Variants in RPS6KA2 observed in about 807,000 individuals in gnomAD.
RPS6KA2 encodes the protein ribosomal protein S6 kinase alpha-2.
RPS6KA2 carries 42 observed loss-of-function variants against 91.8 expected under a neutral mutation model. The observed-to-expected ratio is 0.46, with a 90% CI of 0.36 to 0.59. The LOEUF (loss-of-function observed/expected upper bound fraction) is 0.59. Ranked by LOEUF, RPS6KA2 falls within the 20% of genes least tolerant of loss-of-function variation. The probability of loss-of-function intolerance (pLI) is 0.00; values close to 1 mark genes in which losing one functional copy is unlikely to be tolerated. For synonymous variants in RPS6KA2, 414 were observed against 393.6 expected (o/e 1.05, Z -0.61); for missense variants, 798 against 978.5 (o/e 0.82, Z 2.46).
intron 17 of RPS6KA2, 112 bp from the exon 18 acceptor site, chr6:166,420,070 G>T: frequency 2.0e-6 from 2 of 980,350 alleles, no homozygotes. Context: ...GGAGGAGGGC[G>T]GTGCCATGTC....
intron 1 of RPS6KA2, among the ~76,000 whole-genome samples, chr6:166,568,468 T>A (rs1338546879): frequency 6.6e-6 from 1 of 151,548 alleles, no homozygotes; most frequent in Non-Finnish European, 1.5e-5. Flanking sequence ...ACAAAAAAAA[T>A]TAGCCGGTCG....
intron 2 of RPS6KA2, among the ~76,000 whole-genome samples, chr6:166,709,179 G>A (rs79949533): frequency 0.016 from 2,398 of 152,196 alleles, 64 homozygotes; most frequent in African/African-American, 0.055. Context: ...TTCCCTCACC[G>A]GTTGTCATAA....
At chr6:166,507,513 C>A (rs961065522) in intron 5 of RPS6KA2, among the ~76,000 whole-genome samples, 1 of 151,240 alleles carries the variant, frequency 6.6e-6, no homozygotes, top group Non-Finnish European at 1.5e-5. Context: ...CCACACCACA[C>A]AAAGCACATA....
At chr6:166,499,370 CCT>C (rs1443016687) in intron 7 of RPS6KA2, among the ~76,000 whole-genome samples, 1 of 152,178 alleles carries the variant, frequency 6.6e-6, no homozygotes, top group African/African-American at 2.4e-5. Flanking sequence ...TGTCCTTGCC[CCT>C]GAGCCTGGGA....
intron 2 of RPS6KA2, among the ~76,000 whole-genome samples, chr6:166,761,603 C>T (rs1266381065): frequency 2.6e-5 from 4 of 152,334 alleles, no homozygotes; most frequent in African/African-American, 4.8e-5. Context: ...GCATCTGTTT[C>T]GTGTTTCCAT....
intron 2 of RPS6KA2, among the ~76,000 whole-genome samples, chr6:166,789,448 C>A (rs952683601): frequency 6.6e-6 from 1 of 152,226 alleles, no homozygotes; most frequent in Non-Finnish European, 1.5e-5. Context: ...AGGGCACAGA[C>A]AAACAAAAAG....
intron 11 of RPS6KA2, among the ~76,000 whole-genome samples, 192 bp downstream of exon 11, chr6:166,469,649 G>A (rs575859751): frequency 1.6e-4 from 25 of 152,294 alleles, no homozygotes; most frequent in African/African-American, 6.0e-4. Context: ...GCACTCACGT[G>A]TCTGTGCCTC....
chr6:166,491,394 C>T (rs1229655953), intron 8 of RPS6KA2, among the ~76,000 whole-genome samples: 3 of 152,188 alleles, frequency 2.0e-5, no homozygotes, highest in South Asian at 2.1e-4. Flanking sequence ...CCAACTCCCC[C>T]GGGCACATGC....
intron 2 of RPS6KA2, among the ~76,000 whole-genome samples, chr6:166,741,304 G>C (rs1452359814): frequency 6.6e-6 from 1 of 152,190 alleles, no homozygotes; most frequent in African/African-American, 2.4e-5. Flanking sequence ...GGGGTGGTGG[G>C]TGCCACTGAG....
chr6:166,484,726 T>C (rs1275546430), intron 10 of RPS6KA2, among the ~76,000 whole-genome samples: 1 of 152,212 alleles, frequency 6.6e-6, no homozygotes, highest in Non-Finnish European at 1.5e-5. Flanking sequence ...TGCCAGTGTC[T>C]ACAACTCATC....
intron 2 of RPS6KA2, among the ~76,000 whole-genome samples, chr6:166,744,450 T>TC (rs1790920316): frequency 6.6e-6 from 1 of 152,104 alleles, no homozygotes; most frequent in Admixed American, 6.5e-5. Flanking sequence ...GTAGGCTGGG[T>TC]CCCGGGGGCC....
chr6:166,845,089 A>G (rs1480957789), intron 2 of RPS6KA2, among the ~76,000 whole-genome samples: 3 of 152,222 alleles, frequency 2.0e-5, no homozygotes, highest in Non-Finnish European at 2.9e-5. Context: ...AACAGACTTT[A>G]AAGCAACAGC....
intron 1 of RPS6KA2, among the ~76,000 whole-genome samples, chr6:166,553,231 A>C (rs1784071774): frequency 6.6e-6 from 1 of 152,136 alleles, no homozygotes; most frequent in Non-Finnish European, 1.5e-5. Context: ...GAGATCCCCC[A>C]CCACAGCCTC....
intron 19 of RPS6KA2, among the ~76,000 whole-genome samples, chr6:166,416,150 T>C (rs1263693622): frequency 1.4e-5 from 2 of 147,016 alleles, no homozygotes; most frequent in East Asian, 4.2e-4. Context: ...ACCCTCACCA[T>C]CATCTTCACC....
intron 2 of RPS6KA2, among the ~76,000 whole-genome samples, chr6:166,672,369 A>G (rs2128561428): frequency 6.6e-6 from 1 of 152,328 alleles, no homozygotes; most frequent in Middle Eastern, 3.4e-3. Context: ...TTCACAGCAG[A>G]TAACAAGCAT....
Position 166,448,640 on chromosome 6 carries a change from T to A in RPS6KA2, c.1332+84A>T. The A allele has an allele frequency of 6.8e-7, 1 of 1,476,854 alleles. No homozygotes were observed. Among genetic ancestry groups the A allele is most frequent in the Non-Finnish European group, 9.1e-7 (1 of 1,094,886 alleles). The allele number at this position is 1,476,854 out of a possible 1,614,324, so 91.5% of individuals were successfully genotyped here. ...CTCACACAGGGCCCTGCTATGCTCC[T>A]ATGCTCCGTGCTCCCACATACCACA... On this transcript the variant is annotated intron_variant, in intron 14 of 20. Coordinates refer to ENST00000265678, the MANE Select transcript of RPS6KA2 (RefSeq NM_021135.6). This position sits in a 1 kb window ranked among gnomAD's most constrained non-coding sequence, Gnocchi z 4.7.
chr6:166,545,433 T>G (rs1348221843), intron 1 of RPS6KA2, among the ~76,000 whole-genome samples: 1 of 152,172 alleles, frequency 6.6e-6, no homozygotes, highest in Non-Finnish European at 1.5e-5. Flanking sequence ...AAGTCTCCGT[T>G]AAGCTACTCA....
chr6:166,494,249 C>T lies in RPS6KA2; in HGVS notation c.748-3508G>A, dbSNP rs1197867615. 2.6e-5 allele frequency among the ~76,000 whole-genome samples: 4 copies of T among 152,126 alleles called. No individual in the cohort carries two copies. Among genetic ancestry groups the T allele is most frequent in the African/African-American group, 9.7e-5 (4 of 41,408 alleles). On this transcript the variant is annotated intron_variant, in intron 8 of 20. Transcript: ENST00000265678. The surrounding 1 kb of genome is among the most constrained non-coding windows in gnomAD (Gnocchi z 5.1). Reference sequence around the variant, plus strand: ...GTGCACAGACACATGCCCTCTAATCCGAGCTGCTCTCGCTCCGTGTGCTGC... The same window carrying T: ...GTGCACAGACACATGCCCTCTAATCTGAGCTGCTCTCGCTCCGTGTGCTGC...
In RPS6KA2 at chr6:166,413,929, G is replaced by C. The variant is rs781643229; in HGVS notation, c.1941C>G (p.Asp647Glu). ...CCACGTGGAGCATCTTGGACACGAC[G>C]TCCTGCCAGGGAAGGTCATGAGAGT... ...NWDSISDAAK[D>E]VVSKMLHVDP... Residue 647 changes from aspartate (D) to glutamate (E), a missense_variant and splice_region_variant, in exon 20 of 21, where the codon GAC (aspartate) becomes GAG (glutamate). Asp to Glu is a conservative substitution (Grantham distance 45). Coordinates refer to ENST00000265678, the MANE Select transcript of RPS6KA2 (RefSeq NM_021135.6). The C allele has an allele frequency of 1.9e-6, 3 of 1,613,620 alleles. No homozygotes were observed. The highest frequency in any genetic ancestry group is 1.7e-6 in the Non-Finnish European group (2 of 1,179,896).
Sources: gnomAD v4.1 joint callset for allele counts (sites outside exome capture counted in the v4.1 genomes callset) on GRCh38, gnomAD v4.1.1 for gene constraint, Gnocchi (gnomAD v3.1) non-coding constraint, MANE v1.5 for transcripts, NCBI Gene and HGNC (gene_info 2026-07-23, HGNC 2026-07-21) for gene names.